The following ALG13 variants were observed in gnomAD, a reference collection of about 807,000 sequenced individuals.
ALG13 encodes UDP-N-acetylglucosamine transferase subunit ALG13.
In ALG13, 11 loss-of-function variants were observed where a neutral mutation model predicts 87.8. That is an observed-to-expected ratio of 0.13 (90% CI 0.08 to 0.21). The LOEUF is 0.21. ALG13 is among the 10% of genes least tolerant of loss of function. The pLI is 1.00. For synonymous variants in ALG13, 320 were observed against 306.3 expected, an observed-to-expected ratio of 1.04 and a Z score of -0.47; for missense variants, 756 against 866.1, an observed-to-expected ratio of 0.87 and a Z score of 1.60.
intron 23 of ALG13, among the ~76,000 whole-genome samples, chrX:111,737,744 C>T (rs1299591920): frequency 8.9e-6 from 1 of 112,361 alleles, no homozygotes; most frequent in Non-Finnish European, 1.9e-5. Context: ...AATTTGGAAG[C>T]AGCAGCCAAA....
chrX:111,688,862 A>G, intron 3 of ALG13: 1 of 752,751 alleles, frequency 1.3e-6, no homozygotes, highest in Non-Finnish European at 1.6e-6. Flanking sequence ...TTCTGATTAG[A>G]GTGTGTGGTC....
rs1335374058 is a variant in ALG13 at position 111,718,248 on chromosome X, T to G, written c.1224T>G (p.Thr408=). 9.2e-6 allele frequency: 11 copies of G among 1,194,383 alleles called. No individual in the cohort carries two copies. Among genetic ancestry groups the G allele is most frequent in the Non-Finnish European group, 1.1e-5 (10 of 886,265 alleles). Residue 408 remains threonine, a synonymous_variant, in exon 10 of 27, where the codon ACT becomes ACG. Transcript: ENST00000394780. ...TAACTGGAAGCGAGGATGCCCATAC[T>G]GATTACAAGAGTTCAAATCAGAATA... ...NAVTGSEDAH[T]DYKSSNQNRM...
intron 2 of ALG13, among the ~76,000 whole-genome samples, chrX:111,682,580 G>T (rs1379911240): frequency 1.8e-5 from 2 of 112,180 alleles, no homozygotes; most frequent in African/African-American, 6.5e-5. Context: ...TGACAATTGA[G>T]AACTTTACTG....
At chrX:111,754,399 G>C (rs894352321) in intron 25 of ALG13, among the ~76,000 whole-genome samples, 5 of 111,741 alleles carry the variant, frequency 4.5e-5, no homozygotes, top group Non-Finnish European at 9.4e-5. Flanking sequence ...CTCCTATTCA[G>C]CATAGTATAG....
At chrX:111,719,218 G>A (rs1041513807) in intron 10 of ALG13, among the ~76,000 whole-genome samples, 4 of 109,690 alleles carry the variant, frequency 3.6e-5, no homozygotes, top group Non-Finnish European at 7.6e-5. Flanking sequence ...AGTAGAGATG[G>A]GGTTCACAGG....
At chrX:111,695,309 A>G (rs753991019) in intron 3 of ALG13, among the ~76,000 whole-genome samples, 1 of 111,196 alleles carries the variant, frequency 9.0e-6, no homozygotes, top group East Asian at 2.8e-4. Flanking sequence ...GGTTCAGCTG[A>G]GGTCGGGAGC....
intron 23 of ALG13, among the ~76,000 whole-genome samples, chrX:111,738,797 A>G (rs112019539): frequency 0.019 from 2,059 of 108,209 alleles, 55 homozygotes; most frequent in African/African-American, 0.067. Flanking sequence ...TCAGCCTCCC[A>G]AAGTGCTGGG....
intron 3 of ALG13, among the ~76,000 whole-genome samples, chrX:111,695,315 G>A (rs748852277): frequency 9.0e-6 from 1 of 110,940 alleles, no homozygotes; most frequent in Non-Finnish European, 1.9e-5. Context: ...GCTGAGGTCG[G>A]GAGCTTGAGA....
chrX:111,759,855 A>G lies in ALG13; in HGVS notation c.3270A>G (p.Pro1090=), dbSNP rs1399015543. ...TTGACTCCTGCCTTCCGGTTGTGCC[A>G]GATTATTCCTGTGTTCCCCCCTGGC... ...PGFDSCLPVV[P]DYSCVPPWHP... The change falls in exon 27 of 27, where the codon CCA becomes CCG. Residue 1090 remains proline, a synonymous_variant. Transcript: ENST00000394780. 1.7e-6 allele frequency: 2 copies of G among 1,209,105 alleles called. No homozygotes were observed. Among genetic ancestry groups the G allele is most frequent in the Admixed American group, 4.4e-5 (2 of 45,553 alleles).
At position 111,681,558 on chromosome X, in the gene ALG13, T is replaced by C. The variant is rs193052151; in HGVS notation, c.81+259T>C. The C allele has an allele frequency of 7.1e-5, 68 of 961,621 alleles. No homozygotes were observed. The African/African-American group carries it at 1.2e-3, about 17-fold the overall frequency. The allele number at this position is 961,621 out of a possible 1,213,427, so 79.2% of individuals were successfully genotyped here. On this transcript the variant is annotated intron_variant, in intron 1 of 26. Coordinates refer to ENST00000394780, the MANE Select transcript of ALG13 (RefSeq NM_001099922.3). ...TCTCCCTCATTTCTTCAGCTCCTTT[T>C]CCGGTCTGCCCCCGCGCTCTATTCT...
intron 7 of ALG13, among the ~76,000 whole-genome samples, 195 bp from the exon 8 acceptor site, chrX:111,713,030 G>A (rs897148201): frequency 1.8e-5 from 2 of 111,531 alleles, no homozygotes; most frequent in Non-Finnish European, 3.8e-5. Context: ...GACTTTAGGG[G>A]CAATTAGCTG....
intron 3 of ALG13, among the ~76,000 whole-genome samples, chrX:111,696,175 C>T (rs1327442264): frequency 9.0e-6 from 1 of 111,056 alleles, no homozygotes; most frequent in Non-Finnish European, 1.9e-5. Flanking sequence ...GTGGGCCAGT[C>T]ATCCCCACTT....
In ALG13 at chrX:111,708,119, G is replaced by T. The variant is rs1300161428; in HGVS notation, c.476G>T (p.Gly159Val). 1 of 1,211,488 alleles carries T rather than the reference G, an allele frequency of 8.3e-7. No individual in the cohort carries two copies. Among genetic ancestry groups the T allele is most frequent in the Non-Finnish European group, 1.1e-6 (1 of 895,391 alleles). Residue 159 changes from glycine (G) to valine (V), a missense_variant, in exon 4 of 27, where the codon GGC becomes GTC. This residue lies in a region of ALG13 where 153 missense variants were observed against 168.7 expected (regional missense o/e 0.91). Transcript: ENST00000394780. ...GCGCTGACTTCAACTGCCTTTTCAG[G>T]CCTAGACTTTGGGCTGCTTTCCGGA... The part of the protein sequence containing the change: ...SAALTSTAFS[G>V]LDFGLLSGYL...
chrX:111,752,644 G>C (rs2148472571), intron 24 of ALG13, 146 bp from the exon 25 acceptor site: 1 of 403,267 alleles, frequency 2.5e-6, no homozygotes, highest in African/African-American at 2.6e-5. Flanking sequence ...TTGAACTCCT[G>C]ACCTCAAGTT....
chrX:111,697,672 C>T (rs1430241836), intron 3 of ALG13, among the ~76,000 whole-genome samples: 1 of 112,257 alleles, frequency 8.9e-6, no homozygotes, highest in East Asian at 2.8e-4. Context: ...ACCCACAGTT[C>T]TCTTTAAAAT....
chrX:111,684,904 G>A (rs1394690917), intron 2 of ALG13, 61 bp from the exon 3 acceptor site: 2 of 1,090,118 alleles, frequency 1.8e-6, no homozygotes, highest in African/African-American at 3.8e-5. Context: ...TAGCTATAAA[G>A]CTTCGTGGGG....
chrX:111,708,422 TGA>T (rs1188742542), intron 4 of ALG13, 29 bp downstream of exon 4: 2 of 1,182,039 alleles, frequency 1.7e-6, no homozygotes, highest in Middle Eastern at 2.4e-4. Context: ...TTCCCTGTAC[TGA>T]GTTTTCAGAG....
At chrX:111,698,837 C>T (rs775671811) in intron 3 of ALG13, among the ~76,000 whole-genome samples, 25 of 111,236 alleles carry the variant, frequency 2.2e-4, no homozygotes, top group South Asian at 1.1e-3. Context: ...GTGCAGGTAT[C>T]CCCTGACATA....
chrX:111,752,177 A>G (rs944580393), intron 24 of ALG13, among the ~76,000 whole-genome samples: 2 of 111,903 alleles, frequency 1.8e-5, no homozygotes, highest in Non-Finnish European at 3.8e-5. Flanking sequence ...TCCATCTTGA[A>G]ACAAACAAGA....
Sources: allele counts gnomAD v4.1 joint callset (sites outside exome capture counted in the v4.1 genomes callset), GRCh38; gene constraint gnomAD v4.1.1; regional missense constraint gnomAD v4.1.1; transcripts MANE v1.5; gene names NCBI Gene and HGNC (gene_info 2026-07-23, HGNC 2026-07-21).